HNRNPUL1: variants seen among roughly 807,000 people sequenced by gnomAD.
The protein encoded by HNRNPUL1 is heterogeneous nuclear ribonucleoprotein U-like protein 1.
Under a neutral mutation model 108.5 loss-of-function variants are expected in HNRNPUL1, and 14 were observed. That is an observed-to-expected ratio of 0.13 (90% CI 0.09 to 0.20). HNRNPUL1 has a LOEUF of 0.20. HNRNPUL1 is among the 10% of genes least tolerant of loss of function. The pLI, the probability that HNRNPUL1 is intolerant of heterozygous loss-of-function variation, is 1.00. For synonymous variants in HNRNPUL1, 422 were observed against 445.2 expected (o/e 0.95, Z 0.66); for missense variants, 804 against 1,168.3 (o/e 0.69, Z 4.55).
intron 5 of HNRNPUL1, 30 bp from the exon 6 acceptor site, chr19:41,279,047 A>G: frequency 6.4e-7 from 1 of 1,555,514 alleles, no homozygotes; most frequent in Non-Finnish European, 8.9e-7. Context: ...CAGAGAAGCA[A>G]CCCTGAGCCC....
Position 41,272,114 on chromosome 19 carries a change from A to C in HNRNPUL1, c.451A>C (p.Thr151Pro). The change falls in exon 3 of 15, where the codon ACC (threonine) becomes CCC (proline). Residue 151 changes from threonine to proline, a missense_variant. Transcript: ENST00000392006. ...GACAGAGATGAAGCAAGGAGCACCCACCAGCTTCCTCCCGCCTGAAGCTTC... is the reference window on the plus strand; with the variant it reads ...GACAGAGATGAAGCAAGGAGCACCCCCCAGCTTCCTCCCGCCTGAAGCTTC... ...MKTEMKQGAP[T>P]SFLPPEASQL... 6.2e-7 allele frequency: 1 copy of C among 1,614,146 alleles called. No individual in the cohort carries two copies. Among genetic ancestry groups the C allele is most frequent in the Non-Finnish European group, 8.5e-7 (1 of 1,180,002 alleles).
Position 41,302,964 on chromosome 19 carries a change from A to C in HNRNPUL1, c.1972+15A>C. Reference sequence around the variant, plus strand: ...CTACCGAGGAGGTGAGACATCTCACACACAGCACTCTCCACTTTCTGTTCC... The same window carrying C: ...CTACCGAGGAGGTGAGACATCTCACCCACAGCACTCTCCACTTTCTGTTCC... On this transcript the variant is annotated intron_variant, in intron 12 of 14. Transcript: ENST00000392006. 2 of 1,516,942 alleles carry C rather than the reference A, an allele frequency of 1.3e-6. No individual in the cohort carries two copies. Among genetic ancestry groups the C allele is most frequent in the South Asian group, 2.7e-5 (2 of 74,666 alleles). The allele number at this position is 1,516,942 out of a possible 1,614,324, so 94.0% of individuals were successfully genotyped here.
intron 12 of HNRNPUL1, among the ~76,000 whole-genome samples, chr19:41,303,293 C>A (rs2037345777): frequency 6.6e-6 from 1 of 151,644 alleles, no homozygotes; most frequent in African/African-American, 2.4e-5. Context: ...TTGGCCAGGT[C>A]TGAAGAGGAC....
intron 5 of HNRNPUL1, among the ~76,000 whole-genome samples, chr19:41,277,014 T>C (rs2035596772): frequency 6.6e-6 from 1 of 151,558 alleles, no homozygotes; most frequent in Admixed American, 6.6e-5. Flanking sequence ...AGAGAATTGC[T>C]TGAACCCAAG....
Position 41,294,527 on chromosome 19 carries a change from T to C in HNRNPUL1, c.1390-31T>C. On this transcript the variant is annotated intron_variant, in intron 9 of 14. Transcript: ENST00000392006. The surrounding 1 kb of genome is among the most constrained non-coding windows in gnomAD (Gnocchi z 4.3). ...ACTGAGTGCTGCCCTGCAACTAAAATCACTCACCCCTCACCAATTCCTGCC... is the reference window on the plus strand; with the variant it reads ...ACTGAGTGCTGCCCTGCAACTAAAACCACTCACCCCTCACCAATTCCTGCC... 1 of 1,613,680 alleles carries C rather than the reference T, an allele frequency of 6.2e-7. No individual in the cohort carries two copies. Among genetic ancestry groups the C allele is most frequent in the Non-Finnish European group, 8.5e-7 (1 of 1,179,630 alleles).
chr19:41,289,115 A>G (rs186214349), intron 7 of HNRNPUL1, among the ~76,000 whole-genome samples: 331 of 152,212 alleles, frequency 2.2e-3, no homozygotes, highest in African/African-American at 7.7e-3. Flanking sequence ...CTTTCAGAGT[A>G]TGAGGTTCTT....
At chr19:41,286,114 T>G (rs1343322098) in intron 7 of HNRNPUL1, among the ~76,000 whole-genome samples, 1 of 151,030 alleles carries the variant, frequency 6.6e-6, no homozygotes, top group Non-Finnish European at 1.5e-5. Flanking sequence ...ACTGATAACA[T>G]AAACAGTCAA....
chr19:41,299,916 T>C (rs911971551), intron 10 of HNRNPUL1, among the ~76,000 whole-genome samples: 1 of 152,104 alleles, frequency 6.6e-6, no homozygotes, highest in African/African-American at 2.4e-5. Context: ...TTGTTGAGTG[T>C]TGGCTATGAG....
At chr19:41,276,322 A>C in intron 5 of HNRNPUL1, 24 bp downstream of exon 5, 1 of 1,589,798 alleles carries the variant, frequency 6.3e-7, no homozygotes, top group African/African-American at 1.3e-5. Flanking sequence ...AGAGAAGGGG[A>C]AGGGACAGAG....
At chr19:41,300,313 C>T (rs930625422) in intron 10 of HNRNPUL1, among the ~76,000 whole-genome samples, 12 of 147,444 alleles carry the variant, frequency 8.1e-5, no homozygotes, top group Non-Finnish European at 1.5e-4. Context: ...GCCACATCTT[C>T]AGAATACATT....
intron 6 of HNRNPUL1, chr19:41,280,793 C>G: frequency 5.1e-6 from 1 of 195,002 alleles, no homozygotes; most frequent in Non-Finnish European, 1.1e-5. Context: ...TCACTGATTT[C>G]TACCACAAGT....
At chr19:41,305,356 GTTGTTC>G (rs1381188884) in intron 13 of HNRNPUL1, among the ~76,000 whole-genome samples, 88 of 152,326 alleles carry the variant, frequency 5.8e-4, no homozygotes, top group Non-Finnish European at 3.8e-4. Flanking sequence ...AGCTAAAGGA[GTTGTTC>G]TTGTTCTATT....
chr19:41,273,800 C>T (rs929183528), intron 3 of HNRNPUL1, among the ~76,000 whole-genome samples, 182 bp from the exon 4 acceptor site: 2 of 152,152 alleles, frequency 1.3e-5, no homozygotes, highest in African/African-American at 2.4e-5. Context: ...TAGGAGTTGA[C>T]GGTCATTGCT....
intron 13 of HNRNPUL1, 118 bp from the exon 14 acceptor site, chr19:41,305,558 A>G (rs1302788486): frequency 4.0e-6 from 5 of 1,249,692 alleles, no homozygotes; most frequent in Non-Finnish European, 5.8e-6. Flanking sequence ...TCCACTAGGC[A>G]AGGGAAGGGC....
intron 7 of HNRNPUL1, among the ~76,000 whole-genome samples, chr19:41,291,302 C>T (rs750424750): frequency 1.4e-4 from 22 of 152,120 alleles, no homozygotes; most frequent in Non-Finnish European, 2.6e-4. Context: ...GTCTCATTCC[C>T]CACTGGTCGC....
At chr19:41,305,981 C>T (rs575287395) in intron 14 of HNRNPUL1, 114 bp downstream of exon 14, 22 of 728,132 alleles carry the variant, frequency 3.0e-5, no homozygotes, top group East Asian at 1.9e-4. Context: ...CTGCTGGCCT[C>T]GGCCTGGCGT....
Position 41,294,648 on chromosome 19 carries a change from A to G in HNRNPUL1, c.1480A>G (p.Ile494Val). The stretch of plus-strand genomic sequence containing the variant: ...CCAGTGCCTCAACCGCCTCATCCAG[A>G]TTGCTGCCCGCAAGAAACGCAACTA... ...ATQCLNRLIQ[I>V]AARKKRNYIL... is the part of the protein sequence containing the mutation. Residue 494 changes from isoleucine to valine, a missense_variant, in exon 10 of 15, where the codon ATT becomes GTT. This residue lies in a region of HNRNPUL1 where 80 missense variants were observed against 221.8 expected (regional missense o/e 0.36). Transcript: ENST00000392006. This position sits in a 1 kb window ranked among gnomAD's most constrained non-coding sequence, Gnocchi z 4.3. 1 of 1,614,186 alleles carries G rather than the reference A, an allele frequency of 6.2e-7. No individual in the cohort carries two copies. The highest frequency in any genetic ancestry group is 8.5e-7 in the Non-Finnish European group (1 of 1,180,030).
Position 41,304,233 on chromosome 19 carries a change from C to T in HNRNPUL1, c.2234C>T (p.Pro745Leu). 1 of 1,611,854 alleles carries T rather than the reference C, an allele frequency of 6.2e-7. No individual in the cohort carries two copies. Among genetic ancestry groups the T allele is most frequent in the Non-Finnish European group, 8.5e-7 (1 of 1,178,592 alleles). Reference protein sequence around the residue: ...IPGSSANTSTPTVSSYSPPQP... With the variant: ...IPGSSANTSTLTVSSYSPPQP... ...GGCTCAAGCGCCAATACCAGCACCC[C>T]CACCGTCAGCAGCTACAGCCCTCCA... is the stretch of plus-strand genomic sequence containing the variant. The change falls in exon 13 of 15, where the codon CCC (proline) becomes CTC (leucine). Residue 745 changes from proline to leucine, a missense_variant. Around this residue, in one of 4 missense-constraint regions of HNRNPUL1, gnomAD observed 294 missense variants for 388.3 expected, o/e 0.76. Transcript: ENST00000392006.
chr19:41,264,241 CGTT>C (rs1165168522), upstream of HNRNPUL1: 3 of 363,368 alleles, frequency 8.3e-6, no homozygotes, highest in Non-Finnish European at 1.5e-5. Flanking sequence ...TTCTCGTGGC[CGTT>C]GTTTTGAAAA....
Sources: allele counts gnomAD v4.1 joint callset (sites outside exome capture counted in the v4.1 genomes callset), GRCh38; gene constraint gnomAD v4.1.1; regional missense constraint gnomAD v4.1.1; non-coding constraint Gnocchi (gnomAD v3.1); transcripts MANE v1.5; gene names NCBI Gene and HGNC (gene_info 2026-07-23, HGNC 2026-07-21).